ROBO1: variants seen among roughly 807,000 people sequenced by gnomAD.
The protein encoded by ROBO1 is roundabout guidance receptor 1.
In ROBO1, 149 loss-of-function variants were observed where a neutral mutation model predicts 195.9. The observed-to-expected ratio is 0.76, with a 90% CI of 0.67 to 0.87. The LOEUF (loss-of-function observed/expected upper bound fraction) is 0.87. Ranked by LOEUF, ROBO1 falls within the 40% of genes least tolerant of loss-of-function variation. ROBO1 has a pLI of 0.00. For missense variants in ROBO1, 1,933 were observed against 2,068.3 expected (o/e 0.93, Z 1.27); for synonymous variants, 816 against 733.2 (o/e 1.11, Z -1.82).
intron 3 of ROBO1, among the ~76,000 whole-genome samples, chr3:79,074,896 T>C (rs2079146088): frequency 6.6e-6 from 1 of 151,918 alleles, no homozygotes; most frequent in South Asian, 2.1e-4. Flanking sequence ...ATATCAATAG[T>C]TTAAAACATT....
At chr3:79,515,665 A>G (rs1408556896) in intron 2 of ROBO1, among the ~76,000 whole-genome samples, 1 of 152,192 alleles carries the variant, frequency 6.6e-6, no homozygotes, top group Non-Finnish European at 1.5e-5. Context: ...TATATGTTCA[A>G]AACACTATAT....
chr3:79,341,919 T>A (rs1010434272), intron 2 of ROBO1, among the ~76,000 whole-genome samples: 1 of 152,084 alleles, frequency 6.6e-6, no homozygotes. Context: ...AACACTACAA[T>A]GAGTAAGTGG....
At chr3:78,812,378 T>C (rs2084769099) in intron 4 of ROBO1, among the ~76,000 whole-genome samples, 1 of 152,136 alleles carries the variant, frequency 6.6e-6, no homozygotes, top group South Asian at 2.1e-4. Flanking sequence ...CCATTTACTT[T>C]AATGCCTCGG....
intron 2 of ROBO1, among the ~76,000 whole-genome samples, chr3:79,429,192 C>A (rs1162004868): frequency 1.3e-5 from 2 of 152,018 alleles, no homozygotes; most frequent in Non-Finnish European, 2.9e-5. Context: ...TGTGAAAATA[C>A]GAACAAGTTA....
intron 4 of ROBO1, among the ~76,000 whole-genome samples, chr3:78,774,315 GT>G (rs780313619): frequency 0.036 from 5,260 of 146,312 alleles, 300 homozygotes; most frequent in African/African-American, 0.12. Context: ...TTTGCTAAAA[GT>G]TTTTTTTTTT....
At chr3:79,060,151 C>G (rs536948428) in intron 3 of ROBO1, among the ~76,000 whole-genome samples, 1 of 151,964 alleles carries the variant, frequency 6.6e-6, no homozygotes, top group Non-Finnish European at 1.5e-5. Flanking sequence ...CCCAGGCTTG[C>G]TAGGATTGAG....
Position 78,600,227 on chromosome 3 carries a change from T to C in ROBO1, c.4827A>G (p.Ser1609=), listed in dbSNP as rs377726206. 143 of 1,613,334 alleles carry C rather than the reference T, an allele frequency of 8.9e-5. No homozygotes were observed. The highest frequency in any genetic ancestry group is 1.1e-4 in the Non-Finnish European group (134 of 1,179,462). The change falls in exon 30 of 31, where the codon TCA becomes TCG. Residue 1609 remains serine, a synonymous_variant. Coordinates refer to ENST00000464233, the MANE Select transcript of ROBO1 (RefSeq NM_002941.4). The part of the protein sequence containing the change: ...RDPSSSSSMS[S]RGSGSRQREQ... ...CTCTTTGTCTGCTTCCTGATCCTCT[T>C]GATGACATTGAGCTTGAGGAACTGG...
chr3:79,389,139 C>T lies in ROBO1; in HGVS notation c.88+200685G>A, dbSNP rs570749549. ...ACTTTTGACTTTTGTATGATGTAAA[C>T]CTTTTCCATATTAAAAATAATGCTC... On this transcript the variant is annotated intron_variant, in intron 2 of 30. Coordinates refer to ENST00000464233, the MANE Select transcript of ROBO1 (RefSeq NM_002941.4). 2.6e-5 allele frequency among the ~76,000 whole-genome samples: 4 copies of T among 151,936 alleles called. No homozygotes were observed. The South Asian group carries it at 8.3e-4, about 32-fold the overall frequency.
At chr3:79,201,498 C>G (rs1412476696) in intron 2 of ROBO1, among the ~76,000 whole-genome samples, 1 of 151,932 alleles carries the variant, frequency 6.6e-6, no homozygotes, top group African/African-American at 2.4e-5. Context: ...ATGCTATCTA[C>G]TAATGGGGAA....
chr3:78,670,440 T>C, intron 10 of ROBO1, 139 bp from the exon 11 acceptor site: 1 of 684,598 alleles, frequency 1.5e-6, no homozygotes, highest in East Asian at 2.7e-5. Context: ...ACATGCATTA[T>C]TCAAAATGCA....
intron 3 of ROBO1, among the ~76,000 whole-genome samples, chr3:79,073,978 G>A (rs1228628350): frequency 6.6e-6 from 1 of 151,084 alleles, no homozygotes; most frequent in African/African-American, 2.4e-5. Flanking sequence ...TCCCTGAAAT[G>A]AATGCAAAAG....
chr3:79,604,049 A>G (rs1213833972), intron 1 of ROBO1, among the ~76,000 whole-genome samples: 1 of 152,050 alleles, frequency 6.6e-6, no homozygotes, highest in Non-Finnish European at 1.5e-5. Flanking sequence ...AAACAATTTC[A>G]TCTGAAAATA....
chr3:79,537,356 G>A (rs1941912323), intron 2 of ROBO1, among the ~76,000 whole-genome samples: 1 of 152,128 alleles, frequency 6.6e-6, no homozygotes, highest in Non-Finnish European at 1.5e-5. Flanking sequence ...GAACGTGCAG[G>A]AAGTTACCCT....
chr3:79,370,003 T>C (rs1238927478), intron 2 of ROBO1, among the ~76,000 whole-genome samples: 1 of 152,204 alleles, frequency 6.6e-6, no homozygotes, highest in Non-Finnish European at 1.5e-5. Flanking sequence ...GTTTATATTC[T>C]GTATTTTCCA....
chr3:78,890,122 A>C (rs2036804707), intron 4 of ROBO1, among the ~76,000 whole-genome samples: 1 of 152,100 alleles, frequency 6.6e-6, no homozygotes, highest in African/African-American at 2.4e-5. Flanking sequence ...ATTACAGTAT[A>C]AGATTTGTAA....
At chr3:79,375,797 T>C (rs1401293369) in intron 2 of ROBO1, among the ~76,000 whole-genome samples, 8 of 152,248 alleles carry the variant, frequency 5.3e-5, no homozygotes, top group Admixed American at 5.2e-4. Context: ...TTAGGTTAAC[T>C]GCTTAATATA....
At chr3:78,604,914 T>C (rs1026778893) in intron 29 of ROBO1, among the ~76,000 whole-genome samples, 7 of 152,224 alleles carry the variant, frequency 4.6e-5, no homozygotes, top group Admixed American at 4.6e-4. Context: ...TGGTTTCTTC[T>C]CTTTAGTCTA....
intron 3 of ROBO1, among the ~76,000 whole-genome samples, chr3:79,096,978 T>C (rs2079581908): frequency 6.6e-6 from 1 of 151,670 alleles, no homozygotes; most frequent in Non-Finnish European, 1.5e-5. Context: ...CTTTTCAAAA[T>C]ACAATGGTTA....
At chr3:78,645,381 G>T (rs1706212167) in intron 21 of ROBO1, among the ~76,000 whole-genome samples, 1 of 149,880 alleles carries the variant, frequency 6.7e-6, no homozygotes, top group Non-Finnish European at 1.5e-5. Flanking sequence ...CACTGAATTT[G>T]AATTATAAGA....
Sources: gnomAD v4.1 joint callset for allele counts (sites outside exome capture counted in the v4.1 genomes callset) on GRCh38, gnomAD v4.1.1 for gene constraint, MANE v1.5 for transcripts, NCBI Gene and HGNC (gene_info 2026-07-23, HGNC 2026-07-21) for gene names.